Variants in ST8SIA6 observed in about 807,000 individuals in gnomAD.
ST8SIA6 encodes ST8 alpha-N-acetyl-neuraminide alpha-2,8-sialyltransferase 6.
A neutral mutation model predicts 33.6 loss-of-function variants in ST8SIA6; 39 were observed. The ratio of observed to expected loss-of-function variants is 1.16; its 90% CI spans 0.90 to 1.52. The LOEUF is 1.52. ST8SIA6 is among the 40% of genes most tolerant of loss of function. The probability of loss-of-function intolerance (pLI) is 0.00; values close to 1 mark genes in which losing one functional copy is unlikely to be tolerated. For synonymous variants in ST8SIA6, 172 were observed against 167.2 expected (o/e 1.03, Z -0.22); for missense variants, 441 against 443.8 (o/e 0.99, Z 0.06).
chr10:17,452,967 G>A (rs1360443058), intron 2 of ST8SIA6, among the ~76,000 whole-genome samples: 1 of 151,776 alleles, frequency 6.6e-6, no homozygotes, highest in Non-Finnish European at 1.5e-5. Flanking sequence ...GACTCTGAAT[G>A]AATAACATTT....
At position 17,317,508 on chromosome 10, in the gene ST8SIA6, A is replaced by G. The variant is rs778765127; in HGVS notation, c.*3370T>C. Among the ~76,000 whole-genome samples, 1 of 152,176 alleles carries G rather than the reference A, an allele frequency of 6.6e-6. No homozygotes were observed. Among genetic ancestry groups the G allele is most frequent in the Non-Finnish European group, 1.5e-5 (1 of 68,024 alleles). The stretch of plus-strand genomic sequence containing the variant: ...GCCTTCAATTTTTAATGGCATAATA[A>G]TGTGTTTCCATGTCATGTTAGATAA... On this transcript the variant is annotated 3_prime_UTR_variant, in exon 8 of 8. Transcript: ENST00000377602.
intron 2 of ST8SIA6, among the ~76,000 whole-genome samples, chr10:17,402,500 T>C (rs1851083558): frequency 6.6e-6 from 1 of 152,168 alleles, no homozygotes; most frequent in Non-Finnish European, 1.5e-5. Flanking sequence ...TGTGGCACTA[T>C]TCACAATAGC....
chr10:17,411,386 T>C (rs1851444377), intron 2 of ST8SIA6, among the ~76,000 whole-genome samples: 1 of 152,188 alleles, frequency 6.6e-6, no homozygotes, highest in Non-Finnish European at 1.5e-5. Context: ...TTTCACCATG[T>C]TGGCCAGGCT....
At chr10:17,331,633 A>G (rs1464140465) in intron 4 of ST8SIA6, 81 bp from the exon 5 acceptor site, 2 of 1,403,472 alleles carry the variant, frequency 1.4e-6, no homozygotes, top group Non-Finnish European at 1.9e-6. Flanking sequence ...ACAATGCCGA[A>G]GAGGATTTTG....
intron 3 of ST8SIA6, among the ~76,000 whole-genome samples, chr10:17,361,712 GAA>G (rs34189796): frequency 8.1e-6 from 1 of 123,586 alleles, no homozygotes. Context: ...AAGACATTGG[GAA>G]AAAAAAAAAA....
chr10:17,361,551 C>T lies in ST8SIA6; in HGVS notation c.291-1951G>A, dbSNP rs183623802. Among the ~76,000 whole-genome samples, 7 of 146,644 alleles carry T rather than the reference C, an allele frequency of 4.8e-5. No individual in the cohort carries two copies. In the East Asian group the frequency reaches 1.0e-3, roughly 21 times the overall value. Reference sequence around the variant, plus strand: ...ACACACACACACACACACACACACACGGCCCAAATGGCTTCACTGGAGAAT... The same window carrying T: ...ACACACACACACACACACACACACATGGCCCAAATGGCTTCACTGGAGAAT... On this transcript the variant is annotated intron_variant, in intron 3 of 7. Coordinates refer to ENST00000377602, the MANE Select transcript of ST8SIA6 (RefSeq NM_001004470.3).
At chr10:17,331,011 A>G (rs1848282879) in intron 5 of ST8SIA6, among the ~76,000 whole-genome samples, 1 of 152,208 alleles carries the variant, frequency 6.6e-6, no homozygotes, top group South Asian at 2.1e-4. Context: ...TTTACTTCCC[A>G]AAGATGAGCC....
chr10:17,325,202 A>G (rs1473724660), intron 6 of ST8SIA6, among the ~76,000 whole-genome samples: 1 of 142,438 alleles, frequency 7.0e-6, no homozygotes, highest in African/African-American at 2.5e-5. Flanking sequence ...ATACGTATAT[A>G]ATTACATATA....
chr10:17,382,497 C>T (rs1189218468), intron 3 of ST8SIA6, among the ~76,000 whole-genome samples: 1 of 152,166 alleles, frequency 6.6e-6, no homozygotes, highest in Non-Finnish European at 1.5e-5. Flanking sequence ...AACTCCTGAC[C>T]TCAGGTGATC....
chr10:17,318,408 TACTC>T lies in ST8SIA6; in HGVS notation c.*2466_*2469del. On this transcript the variant is annotated 3_prime_UTR_variant, in exon 8 of 8. Coordinates refer to ENST00000377602, the MANE Select transcript of ST8SIA6 (RefSeq NM_001004470.3). ...TTTTTTTGTTTTTTGTAGAGAAGGG[TACTC>T]ACTATGTTGCCCAGGCTAGTCTCAA... 1 of 307,022 alleles carries T rather than the reference TACTC, an allele frequency of 3.3e-6. No individual in the cohort carries two copies. The highest frequency in any genetic ancestry group is 6.3e-6 in the Non-Finnish European group (1 of 158,692). The allele number at this position is 307,022 out of a possible 1,614,324, so 19.0% of individuals were successfully genotyped here.
chr10:17,335,438 T>C (rs775938329), intron 4 of ST8SIA6, among the ~76,000 whole-genome samples: 4 of 152,230 alleles, frequency 2.6e-5, no homozygotes, highest in Non-Finnish European at 5.9e-5. Context: ...TAAAATTTAG[T>C]CTTCTGAATT....
intron 4 of ST8SIA6, among the ~76,000 whole-genome samples, chr10:17,336,832 G>T (rs910574625): frequency 6.6e-6 from 1 of 152,012 alleles, no homozygotes; most frequent in Non-Finnish European, 1.5e-5. Flanking sequence ...GACCCTAGTT[G>T]ATCCACCCCC....
chr10:17,412,181 C>T (rs1364764549), intron 2 of ST8SIA6, among the ~76,000 whole-genome samples: 2 of 152,110 alleles, frequency 1.3e-5, no homozygotes, highest in African/African-American at 4.8e-5. Flanking sequence ...ACCATCCTCA[C>T]ATCACAGATT....
At chr10:17,425,833 G>A (rs1851921572) in intron 2 of ST8SIA6, among the ~76,000 whole-genome samples, 2 of 152,094 alleles carry the variant, frequency 1.3e-5, no homozygotes, top group Admixed American at 1.3e-4. Flanking sequence ...GGAAGGTGGA[G>A]ATACGGTGGT....
chr10:17,407,842 A>T (rs1048274810), intron 2 of ST8SIA6: 4 of 152,248 alleles, frequency 2.6e-5, no homozygotes, highest in Non-Finnish European at 5.9e-5. Context: ...CTTCACACAC[A>T]AGAAATGTTG....
chr10:17,378,969 AC>A (rs1850019286), intron 3 of ST8SIA6, among the ~76,000 whole-genome samples: 1 of 152,060 alleles, frequency 6.6e-6, no homozygotes, highest in African/African-American at 2.4e-5. Context: ...TACTAAAAAT[AC>A]AAAAAATTAG....
rs1022723034 is a variant in ST8SIA6 at position 17,315,651 on chromosome 10, A to G, written c.*5227T>C. ...GTACAGACAGTAAGATTCCATTTAT[A>G]TAAAATTCTAAAAAATGTAAACAGT... On this transcript the variant is annotated 3_prime_UTR_variant, in exon 8 of 8. Coordinates refer to ENST00000377602, the MANE Select transcript of ST8SIA6 (RefSeq NM_001004470.3). 5.9e-5 allele frequency among the ~76,000 whole-genome samples: 9 copies of G among 152,068 alleles called. No individual in the cohort carries two copies. Among genetic ancestry groups the G allele is most frequent in the African/African-American group, 2.2e-4 (9 of 41,466 alleles).
intron 3 of ST8SIA6, among the ~76,000 whole-genome samples, chr10:17,375,789 C>T (rs1386860583): frequency 6.6e-6 from 1 of 152,220 alleles, no homozygotes; most frequent in Non-Finnish European, 1.5e-5. Context: ...CCTTAGAAGA[C>T]ATCTCAGTCC....
At chr10:17,381,053 C>G (rs1308044867) in intron 3 of ST8SIA6, among the ~76,000 whole-genome samples, 1 of 147,690 alleles carries the variant, frequency 6.8e-6, no homozygotes, top group Admixed American at 6.8e-5. Context: ...TCTTTATCTT[C>G]TCAGTTGAAC....
Sources: gnomAD v4.1 joint callset for allele counts (sites outside exome capture counted in the v4.1 genomes callset) on GRCh38, gnomAD v4.1.1 for gene constraint, MANE v1.5 for transcripts, NCBI Gene and HGNC (gene_info 2026-07-23, HGNC 2026-07-21) for gene names.